PDE1C: variants seen among roughly 807,000 people sequenced by gnomAD.
The protein encoded by PDE1C is dual specificity calcium/calmodulin-dependent 3',5'-cyclic nucleotide phosphodiesterase 1C.
In PDE1C, 62 loss-of-function variants were observed where a neutral mutation model predicts 93.1. That is an observed-to-expected ratio of 0.67 (90% CI 0.54 to 0.82). The LOEUF (loss-of-function observed/expected upper bound fraction) is 0.82, where lower values mean the gene tolerates loss of function less well. PDE1C is among the 40% of genes least tolerant of loss of function. PDE1C has a pLI of 0.00. For missense variants in PDE1C, 742 were observed against 884.6 expected (o/e 0.84, Z 2.04); for synonymous variants, 325 against 310.1 (o/e 1.05, Z -0.50).
At chr7:32,207,423 C>T (rs1432173227) in intron 2 of PDE1C, among the ~76,000 whole-genome samples, 6 of 151,850 alleles carry the variant, frequency 4.0e-5, no homozygotes, top group African/African-American at 1.5e-4. Flanking sequence ...TTCATTCACA[C>T]CACACAATGA....
At chr7:31,885,791 T>C (rs1797792022) in intron 2 of PDE1C, among the ~76,000 whole-genome samples, 1 of 152,218 alleles carries the variant, frequency 6.6e-6, no homozygotes, top group Non-Finnish European at 1.5e-5. Context: ...TTTAGAAAAC[T>C]GCCTTATACT....
intron 1 of PDE1C, among the ~76,000 whole-genome samples, chr7:32,227,991 C>G (rs1243133395): frequency 2.0e-5 from 3 of 152,234 alleles, no homozygotes; most frequent in Non-Finnish European, 2.9e-5. Context: ...ATGACTGCAG[C>G]CCTGGCTGAT....
At chr7:32,238,671 A>C (rs146916636) in intron 1 of PDE1C, among the ~76,000 whole-genome samples, 1 of 152,350 alleles carries the variant, frequency 6.6e-6, no homozygotes, top group African/African-American at 2.4e-5. Context: ...TGAAACCATT[A>C]AGACAATGTT....
At chr7:31,926,723 T>C (rs1301683949) in intron 2 of PDE1C, among the ~76,000 whole-genome samples, 1 of 152,156 alleles carries the variant, frequency 6.6e-6, no homozygotes, top group African/African-American at 2.4e-5. Context: ...GGGAAGCTGC[T>C]AGGGACTGTG....
the PDE1C span, chr7:31,707,223 C>A: frequency 1.2e-6 from 2 of 1,613,576 alleles, no homozygotes; most frequent in African/African-American, 1.3e-5. Context: ...TGCTCAGGGA[C>A]GAGAGACCCA....
chr7:31,745,017 C>T, the PDE1C span, among the ~76,000 whole-genome samples: 1 of 151,764 alleles, frequency 6.6e-6, no homozygotes, highest in Non-Finnish European at 1.5e-5. Context: ...AATCTTTAAA[C>T]ATAAATTTAT....
chr7:32,215,672 G>A (rs1806376967), intron 1 of PDE1C, among the ~76,000 whole-genome samples: 2 of 152,314 alleles, frequency 1.3e-5, no homozygotes, highest in South Asian at 4.1e-4. Context: ...CCATCAGAAA[G>A]GACAAAGGAG....
At chr7:32,147,800 T>C (rs1800988322) in intron 3 of PDE1C, among the ~76,000 whole-genome samples, 1 of 151,824 alleles carries the variant, frequency 6.6e-6, no homozygotes, top group Non-Finnish European at 1.5e-5. Flanking sequence ...CTGGGCAGGA[T>C]CTGGGTTTGA....
At chr7:32,164,825 T>G (rs929648353) in intron 3 of PDE1C, among the ~76,000 whole-genome samples, 16 of 152,014 alleles carry the variant, frequency 1.1e-4, no homozygotes, top group Non-Finnish European at 1.6e-4. Context: ...TTCTCTTGGG[T>G]CCTCTAGTGG....
At chr7:31,811,011 T>G (rs1787474761) in intron 15 of PDE1C, among the ~76,000 whole-genome samples, 1 of 152,096 alleles carries the variant, frequency 6.6e-6, no homozygotes, top group South Asian at 2.1e-4. Context: ...TGAAATGGGA[T>G]GGACCGTGAT....
At chr7:31,920,473 G>T (rs1802470113) in intron 2 of PDE1C, among the ~76,000 whole-genome samples, 1 of 152,122 alleles carries the variant, frequency 6.6e-6, no homozygotes, top group African/African-American at 2.4e-5. Context: ...GGGGTGGCCT[G>T]GGGAGAACTC....
chr7:31,697,932 TGATA>T, the PDE1C span, among the ~76,000 whole-genome samples: 4 of 152,330 alleles, frequency 2.6e-5, no homozygotes, highest in East Asian at 3.9e-4. Flanking sequence ...TGGATACAAT[TGATA>T]GATAGATGGC....
At chr7:32,124,871 C>T (rs770589772) in intron 3 of PDE1C, among the ~76,000 whole-genome samples, 31 of 152,102 alleles carry the variant, frequency 2.0e-4, no homozygotes, top group African/African-American at 6.3e-4. Flanking sequence ...AATTGACAAA[C>T]GCAATCTAAT....
upstream of PDE1C, among the ~76,000 whole-genome samples, chr7:32,076,272 G>C (rs1584710305): frequency 6.6e-6 from 1 of 152,102 alleles, no homozygotes. Flanking sequence ...TTTTCTTTGA[G>C]AAACAAGCCA....
chr7:31,766,705 A>G (rs1032553065), intron 17 of PDE1C, among the ~76,000 whole-genome samples: 9 of 152,220 alleles, frequency 5.9e-5, no homozygotes, highest in African/African-American at 2.2e-4. Context: ...AACAATATAA[A>G]TTGTATTAGA....
At chr7:32,001,387 G>A (rs977431224) in intron 2 of PDE1C, among the ~76,000 whole-genome samples, 1 of 152,184 alleles carries the variant, frequency 6.6e-6, no homozygotes, top group Non-Finnish European at 1.5e-5. Flanking sequence ...TACATAGCAA[G>A]CTACTGATAA....
At chr7:32,051,718 A>C in intron 1 of PDE1C, 138 bp from the exon 2 acceptor site, 1 of 705,256 alleles carries the variant, frequency 1.4e-6, no homozygotes, top group Non-Finnish European at 2.5e-6. Context: ...TGGGTTTCAA[A>C]GCTTAGTTAA....
chr7:31,907,039 G>A (rs1800680804), intron 2 of PDE1C, among the ~76,000 whole-genome samples: 1 of 150,616 alleles, frequency 6.6e-6, no homozygotes, highest in Non-Finnish European at 1.5e-5. Context: ...AATAGGACTT[G>A]AGAATGAGCC....
intron 17 of PDE1C, among the ~76,000 whole-genome samples, chr7:31,754,839 C>G (rs1794353166): frequency 6.6e-6 from 1 of 152,164 alleles, no homozygotes; most frequent in Non-Finnish European, 1.5e-5. Context: ...ACACATTTGT[C>G]AAGACCCATA....
Sources: gnomAD v4.1 joint callset for allele counts (sites outside exome capture counted in the v4.1 genomes callset) on GRCh38, gnomAD v4.1.1 for gene constraint, MANE v1.5 for transcripts, NCBI Gene and HGNC (gene_info 2026-07-23, HGNC 2026-07-21) for gene names.